Variants in CSMD1 observed in about 807,000 individuals in gnomAD.
CSMD1 encodes CUB and sushi domain-containing protein 1.
In CSMD1, 213 loss-of-function variants were observed where a neutral mutation model predicts 417.5. The observed-to-expected ratio is 0.51, with a 90% confidence interval of 0.46 to 0.57. CSMD1 has a LOEUF of 0.57. CSMD1 is among the 20% of genes least tolerant of loss of function. The probability of loss-of-function intolerance (pLI) is 0.00; values close to 1 mark genes in which losing one functional copy is unlikely to be tolerated. For synonymous variants in CSMD1, 2,862 were observed against 1,736.8 expected (o/e 1.65, Z -16.11); for missense variants, 6,923 against 4,529.7 (o/e 1.53, Z -15.17).
chr8:4,869,737 C>T (rs1802624961), intron 1 of CSMD1, among the ~76,000 whole-genome samples: 1 of 151,976 alleles, frequency 6.6e-6, no homozygotes, highest in Non-Finnish European at 1.5e-5. Flanking sequence ...ATAAAACGTT[C>T]CATGGAATAG....
intron 5 of CSMD1, among the ~76,000 whole-genome samples, chr8:3,793,951 T>C (rs1397587198): frequency 6.6e-6 from 1 of 152,120 alleles, no homozygotes; most frequent in Admixed American, 6.5e-5. Context: ...GCTGGGTAAA[T>C]GCTGCTATGT....
intron 8 of CSMD1, among the ~76,000 whole-genome samples, chr8:3,603,904 A>G (rs79198351): frequency 0.015 from 2,335 of 152,322 alleles, 66 homozygotes; most frequent in African/African-American, 0.054. Context: ...AATGCTTAAT[A>G]CAGTATATGA....
At chr8:3,713,431 G>C (rs1038072571) in intron 6 of CSMD1, among the ~76,000 whole-genome samples, 2 of 152,058 alleles carry the variant, frequency 1.3e-5, no homozygotes, top group Non-Finnish European at 2.9e-5. Context: ...GCCCTCTCTA[G>C]CTGGAGCGTC....
chr8:3,866,926 T>G (rs4524823), intron 5 of CSMD1, among the ~76,000 whole-genome samples: 1 of 152,188 alleles, frequency 6.6e-6, no homozygotes, highest in Non-Finnish European at 1.5e-5. Flanking sequence ...ACTGGACATA[T>G]GCATGTATGG....
At position 3,659,631 on chromosome 8, in the gene CSMD1, G is replaced by A. The variant is rs528279696; in HGVS notation, c.1010-42834C>T. On this transcript the variant is annotated intron_variant, in intron 7 of 69. Coordinates refer to ENST00000635120, the MANE Select transcript of CSMD1 (RefSeq NM_033225.6). ...GATTTCCCACTAGAGGAGAAGGGTA[G>A]TGGTGATGTGGCAAAGCAGATAACA... Among the ~76,000 whole-genome samples the A allele has an allele frequency of 7.2e-5, 11 of 152,314 alleles. No homozygotes were observed. In the South Asian group the frequency reaches 2.3e-3, roughly 32 times the overall value.
chr8:3,779,721 G>A (rs1035699902), intron 5 of CSMD1, among the ~76,000 whole-genome samples: 3 of 152,100 alleles, frequency 2.0e-5, no homozygotes, highest in Non-Finnish European at 4.4e-5. Context: ...TTTTATATCT[G>A]CAGAACATAA....
intron 5 of CSMD1, among the ~76,000 whole-genome samples, chr8:3,930,664 G>C (rs547854167): frequency 3.3e-5 from 5 of 150,262 alleles, no homozygotes; most frequent in African/African-American, 9.8e-5. Context: ...TCGGTGTACT[G>C]TCATGGCAAA....
chr8:4,449,746 G>C (rs58938268), intron 2 of CSMD1, among the ~76,000 whole-genome samples: 10,167 of 152,148 alleles, frequency 0.067, 896 homozygotes, highest in African/African-American at 0.2. Context: ...TGTAGAAAGA[G>C]AAACAATGGT....
At chr8:4,842,597 G>A (rs1800908904) in intron 1 of CSMD1, among the ~76,000 whole-genome samples, 1 of 152,212 alleles carries the variant, frequency 6.6e-6, no homozygotes, top group South Asian at 2.1e-4. Context: ...TATCCCTGCT[G>A]CAGGGAACCC....
intron 4 of CSMD1, among the ~76,000 whole-genome samples, chr8:4,010,360 G>T (rs1244592900): frequency 4.6e-5 from 7 of 152,094 alleles, no homozygotes; most frequent in African/African-American, 1.4e-4. Flanking sequence ...ATTCCAAGAA[G>T]ATTTAAACTT....
At chr8:4,378,797 C>G (rs34714143) in intron 3 of CSMD1, among the ~76,000 whole-genome samples, 1 of 151,930 alleles carries the variant, frequency 6.6e-6, no homozygotes, top group Non-Finnish European at 1.5e-5. Flanking sequence ...CCTTGTAAGA[C>G]GTCAAGGGAG....
At chr8:4,940,086 C>T (rs1807886731) in intron 1 of CSMD1, among the ~76,000 whole-genome samples, 1 of 152,152 alleles carries the variant, frequency 6.6e-6, no homozygotes, top group African/African-American at 2.4e-5. Context: ...AGAAAAGTTG[C>T]ATGTGAACTA....
intron 2 of CSMD1, among the ~76,000 whole-genome samples, chr8:4,637,114 C>T (rs1385266639): frequency 1.3e-5 from 2 of 152,148 alleles, no homozygotes; most frequent in African/African-American, 4.8e-5. Flanking sequence ...TTTATTCGCT[C>T]TTAGCAATAA....
chr8:4,632,403 T>C (rs888712475), intron 2 of CSMD1, among the ~76,000 whole-genome samples: 5 of 151,972 alleles, frequency 3.3e-5, no homozygotes, highest in Non-Finnish European at 7.4e-5. Flanking sequence ...TCCCAGTTAC[T>C]CAGGAGGCTG....
At chr8:3,380,156 C>G (rs1810545950) in intron 18 of CSMD1, among the ~76,000 whole-genome samples, 1 of 152,170 alleles carries the variant, frequency 6.6e-6, no homozygotes, top group African/African-American at 2.4e-5. Flanking sequence ...CATCACTGGT[C>G]ATTAGAGAAA....
At chr8:3,968,325 C>A (rs1382336483) in intron 5 of CSMD1, among the ~76,000 whole-genome samples, 2 of 152,112 alleles carry the variant, frequency 1.3e-5, no homozygotes, top group East Asian at 3.9e-4. Context: ...ATTGCCTGGA[C>A]AGAGGGCTAT....
At chr8:4,186,117 C>G (rs1227794636) in intron 3 of CSMD1, among the ~76,000 whole-genome samples, 1 of 152,140 alleles carries the variant, frequency 6.6e-6, no homozygotes, top group African/African-American at 2.4e-5. Flanking sequence ...CCATGCCAGG[C>G]TGTCACCAAC....
chr8:3,511,038 T>A (rs1797044235), intron 10 of CSMD1, among the ~76,000 whole-genome samples: 1 of 151,966 alleles, frequency 6.6e-6, no homozygotes, highest in South Asian at 2.1e-4. Context: ...CACCATGGAA[T>A]ACTATGCAGC....
chr8:4,618,062 C>G (rs549664867), intron 2 of CSMD1, among the ~76,000 whole-genome samples: 238 of 152,334 alleles, frequency 1.6e-3, no homozygotes, highest in Non-Finnish European at 2.5e-3. Context: ...TGACAGGTCA[C>G]TACCACATCA....
Sources: allele counts gnomAD v4.1 joint callset (sites outside exome capture counted in the v4.1 genomes callset), GRCh38; gene constraint gnomAD v4.1.1; transcripts MANE v1.5; gene names NCBI Gene and HGNC (gene_info 2026-07-23, HGNC 2026-07-21).